Variants in NCAPD3 observed in about 807,000 individuals in gnomAD.
The protein encoded by NCAPD3 is condensin-2 complex subunit D3.
In NCAPD3, 105 loss-of-function variants were observed where a neutral mutation model predicts 182.9. That is an observed-to-expected ratio of 0.57 (90% CI 0.49 to 0.68). The LOEUF (loss-of-function observed/expected upper bound fraction) is 0.68, where lower values mean the gene tolerates loss of function less well. Among genes scored for constraint, NCAPD3 ranks in the 30% least tolerant of loss-of-function variants. NCAPD3 has a pLI of 0.00. For synonymous variants in NCAPD3, 815 were observed against 679.9 expected, an observed-to-expected ratio of 1.20 and a Z score of -3.09; for missense variants, 1,944 against 1,837.0, an observed-to-expected ratio of 1.06 and a Z score of -1.07.
At chr11:134,187,823 A>G (rs1944441596) in intron 16 of NCAPD3, among the ~76,000 whole-genome samples, 1 of 152,190 alleles carries the variant, frequency 6.6e-6, no homozygotes, top group Non-Finnish European at 1.5e-5. Context: ...GCACTGAACT[A>G]TTCTGTGAAT....
At chr11:134,207,127 A>G (rs1168132151) in intron 7 of NCAPD3, among the ~76,000 whole-genome samples, 2 of 152,338 alleles carry the variant, frequency 1.3e-5, no homozygotes, top group African/African-American at 4.8e-5. Flanking sequence ...TCCAGTTTAC[A>G]AAGCACTTTC....
intron 16 of NCAPD3, among the ~76,000 whole-genome samples, chr11:134,188,173 C>A (rs1309024695): frequency 6.6e-6 from 1 of 151,356 alleles, no homozygotes; most frequent in Non-Finnish European, 1.5e-5. Flanking sequence ...GCACTCTGTG[C>A]CCAGCTAAAG....
intron 24 of NCAPD3, among the ~76,000 whole-genome samples, chr11:134,173,902 A>G (rs1376026292): frequency 6.6e-6 from 1 of 151,784 alleles, no homozygotes; most frequent in Non-Finnish European, 1.5e-5. Flanking sequence ...CGGAGGCTGC[A>G]GTGAGCCGAG....
At chr11:134,225,364 C>G (rs1938430493), upstream of NCAPD3, 2 of 1,611,836 alleles carry the variant, frequency 1.2e-6, no homozygotes, top group Admixed American at 1.7e-5. Flanking sequence ...ACCCCCGGGA[C>G]CCCCTCCCCC....
chr11:134,170,818 T>G (rs1040779918), intron 24 of NCAPD3, among the ~76,000 whole-genome samples: 7 of 152,214 alleles, frequency 4.6e-5, no homozygotes, highest in African/African-American at 1.7e-4. Flanking sequence ...GTCACAGAGC[T>G]TTCTAGCAAG....
At chr11:134,164,681 C>T (rs114230486) in intron 27 of NCAPD3, among the ~76,000 whole-genome samples, 1 of 149,768 alleles carries the variant, frequency 6.7e-6, no homozygotes, top group African/African-American at 2.5e-5. Flanking sequence ...GAGCTGCACA[C>T]TCACTTGTAA....
At chr11:134,164,054 T>G (rs1943679693) in intron 27 of NCAPD3, among the ~76,000 whole-genome samples, 1 of 152,076 alleles carries the variant, frequency 6.6e-6, no homozygotes, top group Non-Finnish European at 1.5e-5. Flanking sequence ...GGCAGGATCT[T>G]GTGGCAAGAT....
intron 22 of NCAPD3, 48 bp downstream of exon 22, chr11:134,178,586 G>T: frequency 1.4e-6 from 2 of 1,404,792 alleles, no homozygotes; most frequent in Non-Finnish European, 1.9e-6. Flanking sequence ...TAAGACAACA[G>T]CTACACACAG....
At chr11:134,225,039 C>G, upstream of NCAPD3, 1 of 1,370,136 alleles carries the variant, frequency 7.3e-7, no homozygotes, top group South Asian at 1.5e-5. Flanking sequence ...CGCATCGGGC[C>G]CTCTGGCCTT....
In NCAPD3 at chr11:134,204,807, G is replaced by T; in HGVS notation, c.1089+92C>A. On this transcript the variant is annotated intron_variant, in intron 9 of 34. Coordinates refer to ENST00000534548, the MANE Select transcript of NCAPD3 (RefSeq NM_015261.3). This position sits in a 1 kb window ranked among gnomAD's most constrained non-coding sequence, Gnocchi z 4.3. The stretch of plus-strand genomic sequence containing the variant: ...AGTAACAATGCACACTCATTCCCAA[G>T]AACAAATACCCACACTCACACACAC... 1.9e-6 allele frequency: 2 copies of T among 1,052,722 alleles called. No individual in the cohort carries two copies. Among genetic ancestry groups the T allele is most frequent in the South Asian group, 1.6e-5 (1 of 63,332 alleles). 65.2% of individuals were successfully genotyped at this position (1,052,722 alleles called of 1,614,324 possible).
intron 28 of NCAPD3, 23 bp downstream of exon 28, chr11:134,161,758 A>T (rs776965966): frequency 7.1e-7 from 1 of 1,401,618 alleles, no homozygotes; most frequent in Non-Finnish European, 1.0e-6. Flanking sequence ...CAACAACCAC[A>T]AAAGCACAGG....
Position 134,210,458 on chromosome 11 carries a change from T to C in NCAPD3, c.383-4A>G. On this transcript the variant is annotated splice_polypyrimidine_tract_variant and splice_region_variant and intron_variant, in intron 3 of 34. Coordinates refer to ENST00000534548, the MANE Select transcript of NCAPD3 (RefSeq NM_015261.3). ...AATACTTGATTGGCTACACTGCCTA[T>C]TCATGAGGAATAAAGAGTAAGCAAG... 6.2e-7 allele frequency: 1 copy of C among 1,612,038 alleles called. No individual in the cohort carries two copies. The highest frequency in any genetic ancestry group is 8.5e-7 in the Non-Finnish European group (1 of 1,178,400).
At chr11:134,187,317 GA>G (rs1330999223) in intron 16 of NCAPD3, among the ~76,000 whole-genome samples, 4 of 152,182 alleles carry the variant, frequency 2.6e-5, no homozygotes, top group African/African-American at 9.7e-5. Context: ...ACTAATTGCT[GA>G]TTTGAAAAGC....
At position 134,151,623 on chromosome 11, in the gene NCAPD3, C is replaced by T. The variant is rs1233938933; in HGVS notation, c.*1321G>A. ...TAAGATATGAATGTGACTCAAGACT[C>T]GAGGCCGATACGAGGCTGTGATTCT... On this transcript the variant is annotated 3_prime_UTR_variant, in exon 35 of 35. Coordinates refer to ENST00000534548, the MANE Select transcript of NCAPD3 (RefSeq NM_015261.3). 2.0e-5 allele frequency: 3 copies of T among 152,154 alleles called. No individual in the cohort carries two copies. Among genetic ancestry groups the T allele is most frequent in the Non-Finnish European group, 4.4e-5 (3 of 68,046 alleles). The allele number at this position is 152,154 out of a possible 1,614,324, so 9.4% of individuals were successfully genotyped here.
chr11:134,223,200 T>G (rs758021632), intron 1 of NCAPD3: 2 of 549,438 alleles, frequency 3.6e-6, no homozygotes, highest in South Asian at 2.3e-5. Context: ...AAAGTCGTTC[T>G]GCAAAAGTGT....
intron 32 of NCAPD3, chr11:134,153,587 C>G: frequency 1.7e-6 from 1 of 579,140 alleles, no homozygotes; most frequent in Non-Finnish European, 3.1e-6. Context: ...AGCCCTCAGG[C>G]ACTCGGCTGG....
chr11:134,213,869 A>C (rs983536181), intron 3 of NCAPD3, among the ~76,000 whole-genome samples: 3 of 152,176 alleles, frequency 2.0e-5, no homozygotes. Flanking sequence ...CCAATCCATC[A>C]GGAAGACATG....
At chr11:134,189,894 TCTTA>T (rs1220711551) in intron 16 of NCAPD3, among the ~76,000 whole-genome samples, 4 of 152,218 alleles carry the variant, frequency 2.6e-5, no homozygotes, top group African/African-American at 9.6e-5. Flanking sequence ...GTAACCTTTT[TCTTA>T]CTTTCAGCAT....
At chr11:134,164,750 CACTT>C (rs1440334039) in intron 27 of NCAPD3, among the ~76,000 whole-genome samples, 8 of 151,878 alleles carry the variant, frequency 5.3e-5, no homozygotes, top group African/African-American at 1.5e-4. Context: ...GCTTCACACT[CACTT>C]GTGACATGAG....
Sources: allele counts gnomAD v4.1 joint callset (sites outside exome capture counted in the v4.1 genomes callset), GRCh38; gene constraint gnomAD v4.1.1; non-coding constraint Gnocchi (gnomAD v3.1); transcripts MANE v1.5; gene names NCBI Gene and HGNC (gene_info 2026-07-23, HGNC 2026-07-21).